PTPRN2: variants seen among roughly 807,000 people sequenced by gnomAD.
The protein encoded by PTPRN2 is protein tyrosine phosphatase receptor type N2.
In PTPRN2, 74 loss-of-function variants were observed where a neutral mutation model predicts 118.8. That is an observed-to-expected ratio of 0.62 (90% confidence interval 0.52 to 0.76). The LOEUF (loss-of-function observed/expected upper bound fraction) is 0.76. Among genes scored for constraint, PTPRN2 ranks in the 30% least tolerant of loss-of-function variants. The pLI is 0.00. For synonymous variants in PTPRN2, 641 were observed against 608.0 expected, an observed-to-expected ratio of 1.05 and a Z score of -0.80; for missense variants, 1,481 against 1,394.4, an observed-to-expected ratio of 1.06 and a Z score of -0.99.
At position 157,725,271 on chromosome 7, in the gene PTPRN2, TG is replaced by T. The variant is rs1563041917; in HGVS notation, c.1789-42335del. On this transcript the variant is annotated intron_variant, in intron 12 of 22. Coordinates refer to ENST00000389418, the MANE Select transcript of PTPRN2 (RefSeq NM_002847.5). ...ACATGCAGAGGAGTGAGCCAGACCC[TG>T]GCCTCCCAGGAGAACTGGATACCTA... Among the ~76,000 whole-genome samples, 35 of 128,792 alleles carry T rather than the reference TG, an allele frequency of 2.7e-4. 1 individual carries two copies. The highest frequency in any genetic ancestry group is 1.1e-3 in the African/African-American group (32 of 28,420). 84.5% of individuals were successfully genotyped at this position (128,792 alleles called of 152,430 possible).
At chr7:157,970,957 A>C (rs530450319) in intron 11 of PTPRN2, among the ~76,000 whole-genome samples, 1 of 152,298 alleles carries the variant, frequency 6.6e-6, no homozygotes, top group African/African-American at 2.4e-5. Flanking sequence ...GCAAATCTGC[A>C]CCATTTTTGG....
At chr7:157,816,148 T>C (rs988276221) in intron 12 of PTPRN2, among the ~76,000 whole-genome samples, 1 of 152,174 alleles carries the variant, frequency 6.6e-6, no homozygotes, top group Non-Finnish European at 1.5e-5. Flanking sequence ...CAGAATTCCA[T>C]GAATTGCAGC....
At chr7:158,329,948 A>T (rs71544556) in intron 2 of PTPRN2, among the ~76,000 whole-genome samples, 17 of 151,596 alleles carry the variant, frequency 1.1e-4, no homozygotes, top group African/African-American at 3.6e-4. Flanking sequence ...AACTCACAAA[A>T]TCCTCAGGTC....
At chr7:158,295,061 G>A (rs1473455105) in intron 3 of PTPRN2, among the ~76,000 whole-genome samples, 3 of 143,106 alleles carry the variant, frequency 2.1e-5, no homozygotes, top group Non-Finnish European at 4.5e-5. Context: ...CATGGCGCCC[G>A]CTGACCCTGC....
At chr7:157,576,884 C>T (rs1013831867) in intron 18 of PTPRN2, 105 bp from the exon 19 acceptor site, 8 of 1,187,460 alleles carry the variant, frequency 6.7e-6, no homozygotes, top group Non-Finnish European at 8.1e-6. Context: ...GAGAAGGGGG[C>T]GCTGCGAAGA....
At chr7:157,722,623 G>A (rs954459287) in intron 12 of PTPRN2, among the ~76,000 whole-genome samples, 1 of 152,178 alleles carries the variant, frequency 6.6e-6, no homozygotes, top group African/African-American at 2.4e-5. Flanking sequence ...GTGGGCCTGG[G>A]CGGCCCTCCA....
At chr7:158,562,202 C>T (rs1027372273) in intron 1 of PTPRN2, among the ~76,000 whole-genome samples, 3 of 152,184 alleles carry the variant, frequency 2.0e-5, no homozygotes, top group Admixed American at 6.5e-5. Flanking sequence ...GACTCGGCAT[C>T]CCAAGGTCCT....
chr7:157,859,811 C>CTGCAGGGAGAGCCT (rs1810074220), intron 12 of PTPRN2, among the ~76,000 whole-genome samples: 1 of 117,624 alleles, frequency 8.5e-6, no homozygotes, highest in Non-Finnish European at 1.8e-5. Context: ...AGGGAGAGTC[C>CTGCAGGGAGAGCCT]CCCAGCCACC....
At chr7:158,324,114 C>T (rs538524078) in intron 2 of PTPRN2, among the ~76,000 whole-genome samples, 14 of 152,230 alleles carry the variant, frequency 9.2e-5, no homozygotes, top group Middle Eastern at 6.8e-3. Context: ...TGCACACAAG[C>T]GCACATGCAC....
At chr7:157,569,032 T>C (rs1435661422) in intron 20 of PTPRN2, 66 bp from the exon 21 acceptor site, 2 of 1,432,064 alleles carry the variant, frequency 1.4e-6, no homozygotes, top group Non-Finnish European at 2.0e-6. Flanking sequence ...ACAACAAAGC[T>C]AGTGACAGTT....
chr7:158,532,212 C>T (rs1825296132), intron 1 of PTPRN2, among the ~76,000 whole-genome samples: 1 of 152,188 alleles, frequency 6.6e-6, no homozygotes, highest in African/African-American at 2.4e-5. Flanking sequence ...TGCCCATGCC[C>T]CCAGTGTAAA....
chr7:157,692,975 C>T (rs1235482139), intron 12 of PTPRN2, among the ~76,000 whole-genome samples: 1 of 152,026 alleles, frequency 6.6e-6, no homozygotes, highest in African/African-American at 2.4e-5. Flanking sequence ...TGTCCCTCCC[C>T]GCCACCCTCC....
At chr7:158,131,929 C>A (rs55757155) in intron 9 of PTPRN2, among the ~76,000 whole-genome samples, 3 of 150,802 alleles carry the variant, frequency 2.0e-5, no homozygotes, top group Admixed American at 2.0e-4. Context: ...CACATCTACC[C>A]GACACACATA....
chr7:158,139,480 G>A (rs1819169694), intron 6 of PTPRN2, among the ~76,000 whole-genome samples: 2 of 151,714 alleles, frequency 1.3e-5, no homozygotes. Flanking sequence ...AGCCGTCGGA[G>A]TCAGGAGGGC....
chr7:158,466,085 G>A (rs1012111464), intron 2 of PTPRN2, among the ~76,000 whole-genome samples: 4 of 152,190 alleles, frequency 2.6e-5, no homozygotes, highest in African/African-American at 9.7e-5. Context: ...TACATTTGAG[G>A]CGTGCAACAT....
intron 10 of PTPRN2, among the ~76,000 whole-genome samples, chr7:158,084,900 T>TCCACACCCACCAC (rs1813160185): frequency 1.5e-5 from 2 of 129,248 alleles, no homozygotes; most frequent in African/African-American, 6.8e-5. Context: ...ACATCCTCGA[T>TCCACACCCACCAC]GCCCATCCAC....
At chr7:158,098,412 TC>T (rs1435942912) in intron 10 of PTPRN2, among the ~76,000 whole-genome samples, 1 of 151,944 alleles carries the variant, frequency 6.6e-6, no homozygotes, top group African/African-American at 2.4e-5. Context: ...GCCGCCAGTG[TC>T]CTAAGGCGGG....
chr7:158,583,355 C>T (rs1292438971), intron 1 of PTPRN2, among the ~76,000 whole-genome samples: 3 of 152,096 alleles, frequency 2.0e-5, no homozygotes, highest in Non-Finnish European at 4.4e-5. Context: ...AGCTGGAGAC[C>T]CAACATGCTG....
intron 1 of PTPRN2, among the ~76,000 whole-genome samples, chr7:158,520,022 T>C (rs573254843): frequency 6.6e-6 from 1 of 152,386 alleles, no homozygotes; most frequent in African/African-American, 2.4e-5. Context: ...TTCGATTTAA[T>C]GAGCTTTTCC....
Sources: gnomAD v4.1 joint callset for allele counts (sites outside exome capture counted in the v4.1 genomes callset) on GRCh38, gnomAD v4.1.1 for gene constraint, MANE v1.5 for transcripts, NCBI Gene and HGNC (gene_info 2026-07-23, HGNC 2026-07-21) for gene names.